Variants in UNC13C observed in about 807,000 individuals in gnomAD.
UNC13C encodes the protein protein unc-13 homolog C.
Under a neutral mutation model 245.4 loss-of-function variants are expected in UNC13C, and 174 were observed. The observed-to-expected ratio is 0.71, with a 90% confidence interval of 0.63 to 0.80. UNC13C has a LOEUF of 0.80. Among genes scored for constraint, UNC13C ranks in the 30% least tolerant of loss-of-function variants. The pLI is 0.00. For synonymous variants in UNC13C, 992 were observed against 895.1 expected (o/e 1.11, Z -1.93); for missense variants, 2,829 against 2,602.9 (o/e 1.09, Z -1.89).
At chr15:53,856,919 C>T in the UNC13C span, among the ~76,000 whole-genome samples, 6 of 152,110 alleles carry the variant, frequency 3.9e-5, no homozygotes, top group African/African-American at 1.4e-4. Flanking sequence ...GTCTAAATCT[C>T]TTTGTAAGTC....
chr15:53,839,634 C>A, the UNC13C span, among the ~76,000 whole-genome samples: 1 of 151,772 alleles, frequency 6.6e-6, no homozygotes, highest in African/African-American at 2.4e-5. Context: ...TGTTTTTTAA[C>A]CTGTTATTTT....
In UNC13C at chr15:54,250,397, A is replaced by C. The variant is rs755953702; in HGVS notation, c.3401A>C (p.Lys1134Thr). 9.3e-6 allele frequency: 15 copies of C among 1,613,660 alleles called. No homozygotes were observed. In the South Asian group the frequency reaches 1.6e-4, roughly 18 times the overall value. Residue 1134 changes from lysine (K) to threonine (T), a missense_variant, in exon 8 of 33, where the codon AAA becomes ACA. Coordinates refer to ENST00000260323, the MANE Select transcript of UNC13C (RefSeq NM_001080534.3). The part of the protein sequence containing the change: ...QGMKCLECGV[K>T]CHEKCQDLLN... ...ATGAAGTGTCTGGAGTGTGGAGTGA[A>C]ATGCCACGAAAAGTGTCAGGACCTG...
At chr15:54,199,522 T>C (rs564554746) in intron 4 of UNC13C, among the ~76,000 whole-genome samples, 4 of 152,222 alleles carry the variant, frequency 2.6e-5, no homozygotes, top group South Asian at 4.1e-4. Context: ...CTAGAAGAGA[T>C]TGGAGTCCTA....
chr15:54,002,417 T>C (rs1894938939), intron 1 of UNC13C, among the ~76,000 whole-genome samples: 1 of 152,084 alleles, frequency 6.6e-6, no homozygotes, highest in Non-Finnish European at 1.5e-5. Context: ...GAGAATAATA[T>C]TTTACCTTGC....
chr15:54,296,382 TA>T (rs141944284), intron 11 of UNC13C, among the ~76,000 whole-genome samples: 15,907 of 90,162 alleles, frequency 0.18, 890 homozygotes, highest in African/African-American at 0.22. Context: ...TTTTTTTTTT[TA>T]TTTTTTTTTA....
intron 10 of UNC13C, among the ~76,000 whole-genome samples, chr15:54,274,886 G>T (rs1280635306): frequency 6.6e-6 from 1 of 151,878 alleles, no homozygotes. Flanking sequence ...TAGCCAGGAT[G>T]GTCTCAATCT....
At chr15:54,327,243 G>A (rs2038320887) in intron 14 of UNC13C, among the ~76,000 whole-genome samples, 1 of 151,896 alleles carries the variant, frequency 6.6e-6, no homozygotes. Flanking sequence ...ATTTACTTGA[G>A]TATATACATG....
At chr15:54,625,216 C>T (rs1901056890) in intron 32 of UNC13C, among the ~76,000 whole-genome samples, 1 of 152,114 alleles carries the variant, frequency 6.6e-6, no homozygotes, top group Non-Finnish European at 1.5e-5. Flanking sequence ...ACCTCACTCT[C>T]CTCACTGCCA....
intron 4 of UNC13C, among the ~76,000 whole-genome samples, chr15:54,176,519 T>C (rs1365360554): frequency 1.3e-5 from 2 of 152,124 alleles, no homozygotes; most frequent in East Asian, 3.8e-4. Context: ...TTTCTACATA[T>C]ATTACACAAA....
chr15:54,024,953 G>T (rs1896049739), intron 2 of UNC13C, among the ~76,000 whole-genome samples: 1 of 152,050 alleles, frequency 6.6e-6, no homozygotes, highest in East Asian at 1.9e-4. Flanking sequence ...AAATGCTATG[G>T]AATTTTGCTA....
At chr15:54,613,288 C>T (rs1352054709) in intron 30 of UNC13C, among the ~76,000 whole-genome samples, 1 of 151,708 alleles carries the variant, frequency 6.6e-6, no homozygotes, top group East Asian at 1.9e-4. Context: ...AGCAAGCAAT[C>T]TATAAATACA....
chr15:54,297,751 T>A (rs899198870), intron 11 of UNC13C, 60 bp from the exon 12 acceptor site: 2 of 1,240,386 alleles, frequency 1.6e-6, no homozygotes, highest in Non-Finnish European at 2.3e-6. Context: ...TTTTGAGAGG[T>A]CGTATGAGAA....
At chr15:53,987,973 G>A (rs182159613) in intron 1 of UNC13C, among the ~76,000 whole-genome samples, 143 of 152,114 alleles carry the variant, frequency 9.4e-4, no homozygotes, top group African/African-American at 3.3e-3. Context: ...TTCAGTTTCA[G>A]ACGAGATGGG....
rs952434159 is a variant in UNC13C at position 54,546,657 on chromosome 15, A to C, written c.5697-65A>C. On this transcript the variant is annotated intron_variant, in intron 26 of 32. Coordinates refer to ENST00000260323, the MANE Select transcript of UNC13C (RefSeq NM_001080534.3). ...TGGAATTTAGCATTTGAAAATCGTAAAGGCCTAAATTGATACCTTGATCTG... is the reference window on the plus strand; with the variant it reads ...TGGAATTTAGCATTTGAAAATCGTACAGGCCTAAATTGATACCTTGATCTG... 4.1e-6 allele frequency: 4 copies of C among 980,178 alleles called. No individual in the cohort carries two copies. In the African/African-American group the frequency reaches 7.2e-5, roughly 18 times the overall value. The allele number at this position is 980,178 out of a possible 1,614,324, so 60.7% of individuals were successfully genotyped here.
chr15:54,545,093 A>T (rs1293211565), intron 26 of UNC13C, among the ~76,000 whole-genome samples: 1 of 152,226 alleles, frequency 6.6e-6, no homozygotes, highest in Admixed American at 6.5e-5. Flanking sequence ...CTGGTACCAG[A>T]ACAGATATAT....
chr15:54,070,683 C>T (rs1458582710), intron 2 of UNC13C, among the ~76,000 whole-genome samples: 3 of 151,998 alleles, frequency 2.0e-5, no homozygotes, highest in Non-Finnish European at 4.4e-5. Flanking sequence ...AAGACAGGGC[C>T]CATGTTTTCC....
intron 7 of UNC13C, among the ~76,000 whole-genome samples, chr15:54,243,913 T>G (rs4569201): frequency 1.3e-5 from 2 of 152,004 alleles, no homozygotes; most frequent in African/African-American, 4.8e-5. Flanking sequence ...AAAATTTTCT[T>G]CCATTCTGTA....
At position 54,004,178 on chromosome 15, in the gene UNC13C, T is replaced by G. The variant is rs141240235; in HGVS notation, c.-256-8470T>G. ...TACCTCCCCGTTACCCTTCCCAGCC[T>G]CCAGTAACCATCCTTCTACTTTCTA... On this transcript the variant is annotated intron_variant, in intron 1 of 32. Transcript: ENST00000260323. Among the ~76,000 whole-genome samples the G allele has an allele frequency of 1.2e-3, 179 of 152,258 alleles. 1 individual carries two copies. Among genetic ancestry groups the G allele is most frequent in the African/African-American group, 4.2e-3 (173 of 41,560 alleles).
intron 2 of UNC13C, among the ~76,000 whole-genome samples, chr15:54,042,770 G>A (rs112417489): frequency 9.9e-5 from 15 of 152,142 alleles, no homozygotes; most frequent in South Asian, 2.1e-4. Flanking sequence ...GGAGAATGGC[G>A]TGAACCCGGG....
Sources: gnomAD v4.1 joint callset for allele counts (sites outside exome capture counted in the v4.1 genomes callset) on GRCh38, gnomAD v4.1.1 for gene constraint, MANE v1.5 for transcripts, NCBI Gene and HGNC (gene_info 2026-07-23, HGNC 2026-07-21) for gene names.